Variants in PCDH15 observed in about 807,000 individuals in gnomAD.
PCDH15 encodes the protein protocadherin related 15, also known as protocadherin-15.
PCDH15 carries 129 observed loss-of-function variants against 178.5 expected under a neutral mutation model. That is an observed-to-expected ratio of 0.72 (90% CI 0.63 to 0.84). The LOEUF is 0.84. PCDH15 is among the 40% of genes least tolerant of loss of function. The pLI, the probability that PCDH15 is intolerant of heterozygous loss-of-function variation, is 0.00. For missense variants in PCDH15, 2,230 were observed against 2,099.9 expected, an observed-to-expected ratio of 1.06 and a Z score of -1.21; for synonymous variants, 800 against 732.0, an observed-to-expected ratio of 1.09 and a Z score of -1.50.
intron 8 of PCDH15, among the ~76,000 whole-genome samples, chr10:54,250,685 T>C (rs1184350644): frequency 6.6e-6 from 1 of 152,160 alleles, no homozygotes; most frequent in Non-Finnish European, 1.5e-5. Context: ...ACACAATGAC[T>C]TGAAATATGG....
intron 1 of PCDH15, among the ~76,000 whole-genome samples, chr10:54,681,683 AATTTG>A (rs1344457992): frequency 6.6e-6 from 1 of 151,982 alleles, no homozygotes; most frequent in Non-Finnish European, 1.5e-5. Context: ...GAGTTCATAT[AATTTG>A]TTAGTGTTTT....
chr10:55,577,434 C>A (rs897287966), intron 2 of PCDH15, among the ~76,000 whole-genome samples: 1 of 151,848 alleles, frequency 6.6e-6, no homozygotes, highest in East Asian at 1.9e-4. Context: ...TGTGGAGATA[C>A]CTGAAGAAAA....
chr10:54,799,465 GTTTTA>G (rs1225211164), intron 1 of PCDH15, among the ~76,000 whole-genome samples: 1 of 152,078 alleles, frequency 6.6e-6, no homozygotes, highest in Non-Finnish European at 1.5e-5. Flanking sequence ...AAAATGAAAT[GTTTTA>G]TTTAAATCTT....
At chr10:55,129,069 T>A (rs1837976621) in intron 2 of PCDH15, among the ~76,000 whole-genome samples, 1 of 152,108 alleles carries the variant, frequency 6.6e-6, no homozygotes, top group South Asian at 2.1e-4. Flanking sequence ...AATTAATAGT[T>A]CCTTTATAGG....
intron 3 of PCDH15, among the ~76,000 whole-genome samples, chr10:54,519,644 A>G (rs1015105660): frequency 1.3e-5 from 2 of 152,198 alleles, no homozygotes; most frequent in African/African-American, 4.8e-5. Context: ...TGCCCAAGGT[A>G]ATTTATAGAT....
intron 2 of PCDH15, among the ~76,000 whole-genome samples, chr10:55,071,048 T>C (rs1286080765): frequency 6.6e-6 from 1 of 152,086 alleles, no homozygotes; most frequent in African/African-American, 2.4e-5. Context: ...AAGCAAATGC[T>C]GAGAGATTCT....
At chr10:55,552,841 GAT>G in intron 2 of PCDH15, among the ~76,000 whole-genome samples, 1 of 151,560 alleles carries the variant, frequency 6.6e-6, no homozygotes, top group Non-Finnish European at 1.5e-5. Context: ...CCATAAATGT[GAT>G]TTTGTTTTCT....
At chr10:54,465,411 C>T (rs1194098464) in intron 3 of PCDH15, among the ~76,000 whole-genome samples, 2 of 151,990 alleles carry the variant, frequency 1.3e-5, no homozygotes, top group Non-Finnish European at 2.9e-5. Flanking sequence ...ACATACATTT[C>T]CTAGCCTCTG....
At chr10:54,968,666 G>C (rs1039189817) in intron 2 of PCDH15, among the ~76,000 whole-genome samples, 1 of 151,992 alleles carries the variant, frequency 6.6e-6, no homozygotes, top group Non-Finnish European at 1.5e-5. Context: ...GAATCTGCCC[G>C]TGTGTAGAGT....
intron 8 of PCDH15, among the ~76,000 whole-genome samples, chr10:54,311,939 G>T (rs1200907165): frequency 6.6e-6 from 1 of 151,972 alleles, no homozygotes; most frequent in Non-Finnish European, 1.5e-5. Flanking sequence ...GACAAATTCT[G>T]CATGTATTAT....
intron 2 of PCDH15, among the ~76,000 whole-genome samples, chr10:55,588,963 C>T (rs568018304): frequency 1.3e-5 from 2 of 151,714 alleles, no homozygotes; most frequent in Non-Finnish European, 2.9e-5. Flanking sequence ...TGCCTGTAAT[C>T]CCAGCTACTC....
chr10:55,272,687 T>C (rs922160954), intron 1 of PCDH15, among the ~76,000 whole-genome samples: 2 of 152,030 alleles, frequency 1.3e-5, no homozygotes, highest in Non-Finnish European at 2.9e-5. Flanking sequence ...GCGCCTGGCC[T>C]ATCATGTCTT....
At chr10:54,043,108 G>C (rs919807009) in intron 18 of PCDH15, among the ~76,000 whole-genome samples, 13 of 152,056 alleles carry the variant, frequency 8.5e-5, no homozygotes, top group African/African-American at 2.7e-4. Flanking sequence ...GGTATATGGG[G>C]GAATGGGGAG....
intron 2 of PCDH15, among the ~76,000 whole-genome samples, chr10:55,445,870 C>T (rs138191848): frequency 1.6e-4 from 25 of 152,164 alleles, no homozygotes; most frequent in African/African-American, 5.3e-4. Context: ...TAAGAAAAGA[C>T]TCAAATAAAG....
At position 54,435,814 on chromosome 10, in the gene PCDH15, C is replaced by G. The variant is rs117314821; in HGVS notation, c.158-56872G>C. 9.0e-3 allele frequency among the ~76,000 whole-genome samples: 1,370 copies of G among 151,752 alleles called. 10 individuals are homozygous for G. Among genetic ancestry groups the G allele is most frequent in the Non-Finnish European group, 0.014 (960 of 67,918 alleles). On this transcript the variant is annotated intron_variant, in intron 3 of 37. Coordinates refer to ENST00000644397, the MANE Select transcript of PCDH15 (RefSeq NM_001384140.1). ...TGAAACCCCATTTCTACTAAAGACA[C>G]AAAAAATTAGCCGGTCGTGGTGGCG... is the stretch of plus-strand genomic sequence containing the variant.
At chr10:54,310,338 T>C (rs561301966) in intron 8 of PCDH15, among the ~76,000 whole-genome samples, 89 of 152,210 alleles carry the variant, frequency 5.8e-4, no homozygotes, top group African/African-American at 2.1e-3. Context: ...AGTGAGAGAC[T>C]GGAGGCCGGA....
chr10:55,617,853 T>C (rs561635671), intron 2 of PCDH15, among the ~76,000 whole-genome samples: 321 of 152,164 alleles, frequency 2.1e-3, no homozygotes, highest in African/African-American at 7.5e-3. Flanking sequence ...TCTTAGACTT[T>C]GTTTTCCATC....
intron 2 of PCDH15, among the ~76,000 whole-genome samples, chr10:55,382,032 T>C (rs1837544856): frequency 6.6e-6 from 1 of 152,178 alleles, no homozygotes; most frequent in Non-Finnish European, 1.5e-5. Flanking sequence ...GCTACAGCTA[T>C]AAGTCATCCT....
chr10:53,896,355 T>C (rs2081950370), intron 26 of PCDH15, among the ~76,000 whole-genome samples: 1 of 152,194 alleles, frequency 6.6e-6, no homozygotes, highest in South Asian at 2.1e-4. Flanking sequence ...ACTTTTTCTA[T>C]TTCTTTTTTG....
Sources: gnomAD v4.1 joint callset for allele counts (sites outside exome capture counted in the v4.1 genomes callset) on GRCh38, gnomAD v4.1.1 for gene constraint, MANE v1.5 for transcripts, NCBI Gene and HGNC (gene_info 2026-07-23, HGNC 2026-07-21) for gene names.